Variants in SLC25A21 observed in about 807,000 individuals in gnomAD.
SLC25A21 encodes solute carrier family 25 member 21.
A neutral mutation model predicts 43.8 loss-of-function variants in SLC25A21; 47 were observed. The ratio of observed to expected loss-of-function variants is 1.07; its 90% CI spans 0.85 to 1.37. The LOEUF (loss-of-function observed/expected upper bound fraction) is 1.37. Ranked by LOEUF, SLC25A21 falls within the 40% of genes most tolerant of loss-of-function variation. The pLI is 0.00. For synonymous variants in SLC25A21, 131 were observed against 121.3 expected (o/e 1.08, Z -0.52); for missense variants, 352 against 350.2 (o/e 1.00, Z -0.04).
intron 1 of SLC25A21, among the ~76,000 whole-genome samples, chr14:37,145,516 G>C (rs1963650287): frequency 6.6e-6 from 1 of 151,206 alleles, no homozygotes; most frequent in Non-Finnish European, 1.5e-5. Context: ...CACCACAGTA[G>C]GAATTTAATA....
At chr14:37,004,332 CCTATGAAGG>C (rs915007633) in intron 1 of SLC25A21, among the ~76,000 whole-genome samples, 1 of 151,982 alleles carries the variant, frequency 6.6e-6, no homozygotes, top group Non-Finnish European at 1.5e-5. Flanking sequence ...TATAAAAGAC[CCTATGAAGG>C]CTATTAAAGA....
At chr14:36,916,708 C>G in intron 1 of SLC25A21, among the ~76,000 whole-genome samples, 1 of 152,178 alleles carries the variant, frequency 6.6e-6, no homozygotes, top group Admixed American at 6.5e-5. Context: ...TGTATAACTA[C>G]TGTGTCCACA....
At chr14:36,701,825 T>C (rs1020732288) in intron 7 of SLC25A21, among the ~76,000 whole-genome samples, 3 of 152,322 alleles carry the variant, frequency 2.0e-5, no homozygotes, top group East Asian at 1.9e-4. Context: ...GTGTTCTCTC[T>C]GTTCCTTGAC....
At chr14:37,064,131 AAGAC>A in intron 1 of SLC25A21, among the ~76,000 whole-genome samples, 1 of 152,230 alleles carries the variant, frequency 6.6e-6, no homozygotes, top group Non-Finnish European at 1.5e-5. Context: ...ATAGAACAAA[AAGAC>A]AGAGAAGACA....
At chr14:36,788,147 T>C (rs1887317687) in intron 3 of SLC25A21, among the ~76,000 whole-genome samples, 1 of 152,166 alleles carries the variant, frequency 6.6e-6, no homozygotes, top group African/African-American at 2.4e-5. Context: ...ATTGCTTTAT[T>C]TTCTTAAACC....
intron 3 of SLC25A21, among the ~76,000 whole-genome samples, chr14:36,753,489 C>A (rs1885793651): frequency 2.0e-5 from 3 of 152,124 alleles, no homozygotes. Context: ...TCTCAGCCAT[C>A]ACTTTATAAG....
At chr14:36,980,152 G>A (rs548588892) in intron 1 of SLC25A21, among the ~76,000 whole-genome samples, 4 of 152,290 alleles carry the variant, frequency 2.6e-5, no homozygotes, top group South Asian at 4.1e-4. Context: ...TGGGTAACCC[G>A]ACCTTTCTCT....
intron 3 of SLC25A21, among the ~76,000 whole-genome samples, chr14:36,799,834 C>T (rs1887805842): frequency 6.6e-6 from 1 of 152,104 alleles, no homozygotes; most frequent in Non-Finnish European, 1.5e-5. Flanking sequence ...AAGCACTCAG[C>T]ACCTGGTAAG....
intron 1 of SLC25A21, among the ~76,000 whole-genome samples, chr14:36,892,416 T>C (rs1369614463): frequency 2.6e-5 from 4 of 152,142 alleles, no homozygotes; most frequent in Non-Finnish European, 4.4e-5. Flanking sequence ...GGAAATGTGG[T>C]ATATATAAAC....
At chr14:36,782,073 C>T (rs1887084240) in intron 3 of SLC25A21, among the ~76,000 whole-genome samples, 1 of 152,292 alleles carries the variant, frequency 6.6e-6, no homozygotes, top group Non-Finnish European at 1.5e-5. Flanking sequence ...CCCTGGCCTG[C>T]AAGGTTTCTG....
intron 1 of SLC25A21, among the ~76,000 whole-genome samples, chr14:36,991,945 C>G (rs1960272460): frequency 6.6e-6 from 1 of 152,178 alleles, no homozygotes; most frequent in African/African-American, 2.4e-5. Context: ...TGACAAGATC[C>G]TTATGAGATT....
intron 9 of SLC25A21, among the ~76,000 whole-genome samples, chr14:36,682,946 G>A (rs2139136775): frequency 6.6e-6 from 1 of 152,294 alleles, no homozygotes; most frequent in Admixed American, 6.5e-5. Flanking sequence ...ATCTAAAGGT[G>A]AATGTGCATG....
chr14:37,055,078 C>A (rs1044716009), intron 1 of SLC25A21, among the ~76,000 whole-genome samples: 5 of 152,114 alleles, frequency 3.3e-5, no homozygotes, highest in Admixed American at 2.0e-4. Context: ...GCGTCAACTG[C>A]GGAAATCTTA....
chr14:36,703,074 C>G (rs924509125), intron 7 of SLC25A21, among the ~76,000 whole-genome samples: 2 of 152,136 alleles, frequency 1.3e-5, no homozygotes, highest in African/African-American at 4.8e-5. Flanking sequence ...GAGAGTTTTT[C>G]TTAATGAAAC....
chr14:36,893,911 G>C (rs977967826), intron 1 of SLC25A21, among the ~76,000 whole-genome samples: 8 of 152,138 alleles, frequency 5.3e-5, no homozygotes, highest in African/African-American at 1.7e-4. Flanking sequence ...CTCTGTTTTG[G>C]TACCAGTACC....
intron 2 of SLC25A21, among the ~76,000 whole-genome samples, chr14:36,832,714 C>T (rs1889079389): frequency 6.6e-6 from 1 of 152,082 alleles, no homozygotes; most frequent in South Asian, 2.1e-4. Context: ...AATTTTATTG[C>T]CTGTTTGCAG....
At chr14:37,163,172 A>G (rs1384322724) in intron 1 of SLC25A21, among the ~76,000 whole-genome samples, 1 of 151,898 alleles carries the variant, frequency 6.6e-6, no homozygotes, top group Non-Finnish European at 1.5e-5. Context: ...GGATAGCATT[A>G]GGAGATATAC....
intron 1 of SLC25A21, among the ~76,000 whole-genome samples, chr14:36,989,222 A>C (rs1443790894): frequency 6.6e-6 from 1 of 152,122 alleles, no homozygotes; most frequent in African/African-American, 2.4e-5. Context: ...CCTACAGTAC[A>C]TTCAGTCCTC....
chr14:36,967,761 A>T (rs1959651385), intron 1 of SLC25A21, among the ~76,000 whole-genome samples: 1 of 152,202 alleles, frequency 6.6e-6, no homozygotes, highest in Non-Finnish European at 1.5e-5. Flanking sequence ...GATTGACAGC[A>T]CACTCCCTGC....
Sources: allele counts gnomAD v4.1 joint callset (sites outside exome capture counted in the v4.1 genomes callset), GRCh38; gene constraint gnomAD v4.1.1; transcripts MANE v1.5; gene names NCBI Gene and HGNC (gene_info 2026-07-23, HGNC 2026-07-21).